The following ANGPT4 variants were observed in gnomAD, a reference collection of about 807,000 sequenced individuals.
ANGPT4 encodes angiopoietin-4.
Under a neutral mutation model 53.0 loss-of-function variants are expected in ANGPT4, and 50 were observed. That is an observed-to-expected ratio of 0.94 (90% CI 0.75 to 1.20). The LOEUF (loss-of-function observed/expected upper bound fraction) is 1.20, where lower values mean the gene tolerates loss of function less well. Among genes scored for constraint, ANGPT4 ranks in the 50% most tolerant of loss-of-function variants. The probability of loss-of-function intolerance (pLI) is 0.00; values close to 1 mark genes in which losing one functional copy is unlikely to be tolerated. For synonymous variants in ANGPT4, 251 were observed against 259.7 expected, an observed-to-expected ratio of 0.97 and a Z score of 0.32; for missense variants, 648 against 637.1, an observed-to-expected ratio of 1.02 and a Z score of -0.18.
chr20:877,551 G>C (rs1376819491), intron 7 of ANGPT4, among the ~76,000 whole-genome samples: 2 of 152,162 alleles, frequency 1.3e-5, no homozygotes, highest in African/African-American at 4.8e-5. Flanking sequence ...TTGTGGGGAA[G>C]ATTAAATGGA....
At chr20:910,137 T>C (rs1982643038) in intron 1 of ANGPT4, among the ~76,000 whole-genome samples, 1 of 152,214 alleles carries the variant, frequency 6.6e-6, no homozygotes, top group Non-Finnish European at 1.5e-5. Context: ...GATGGCTGAA[T>C]CTGACTTTGC....
intron 1 of ANGPT4, among the ~76,000 whole-genome samples, chr20:891,762 C>T (rs539821860): frequency 3.1e-4 from 47 of 152,370 alleles, no homozygotes; most frequent in African/African-American, 1.1e-3. Context: ...CCTTCCTCAC[C>T]CTGGAGTGTT....
intron 1 of ANGPT4, among the ~76,000 whole-genome samples, chr20:915,552 C>T (rs1466576716): frequency 6.6e-6 from 1 of 152,186 alleles, no homozygotes; most frequent in Non-Finnish European, 1.5e-5. Context: ...TTTTGCTTCA[C>T]CATCTGACAT....
In ANGPT4 at chr20:901,585, C is replaced by T. The variant is rs370496268; in HGVS notation, c.310-11217G>A. On this transcript the variant is annotated intron_variant, in intron 1 of 8. Transcript: ENST00000381922. ...AAGCCTGTTTGGTGGTCTCTTCACA[C>T]GGACGCACGTGACACTATGTAGCTG... 2.0e-4 allele frequency among the ~76,000 whole-genome samples: 31 copies of T among 152,292 alleles called. No homozygotes were observed. The South Asian group carries it at 2.7e-3, about 13-fold the overall frequency.
At chr20:894,491 G>A (rs987540556) in intron 1 of ANGPT4, among the ~76,000 whole-genome samples, 1 of 152,104 alleles carries the variant, frequency 6.6e-6, no homozygotes, top group African/African-American at 2.4e-5. Context: ...TGGTCCGGGG[G>A]TCCGTGGTAA....
chr20:893,175 A>T (rs1467206656), intron 1 of ANGPT4, among the ~76,000 whole-genome samples: 2 of 152,248 alleles, frequency 1.3e-5, no homozygotes, highest in African/African-American at 4.8e-5. Flanking sequence ...CTAATCTGCA[A>T]TTAAAATTTG....
intron 1 of ANGPT4, among the ~76,000 whole-genome samples, chr20:895,354 G>A (rs555920618): frequency 5.9e-5 from 9 of 152,144 alleles, no homozygotes; most frequent in Non-Finnish European, 1.0e-4. Context: ...TTTGGTCCCT[G>A]GTCTACTGCC....
Position 872,961 on chromosome 20 carries a change from T to G in ANGPT4, c.1511A>C (p.Ter504SerextTer62). ...SRMMIRPLDI[*>S] The stretch of plus-strand genomic sequence containing the variant: ...TCCAGCCTCTGGCACAGCTGCTCGT[T>G]AGATGTCCAAAGGCCGTATCATCAT... Residue 504 changes from the stop codon to serine, a stop_lost, in exon 9 of 9, where the codon TAA becomes TCA. Transcript: ENST00000381922. The G allele has an allele frequency of 6.2e-7, 1 of 1,613,874 alleles. No individual in the cohort carries two copies. Among genetic ancestry groups the G allele is most frequent in the Non-Finnish European group, 8.5e-7 (1 of 1,179,964 alleles).
In ANGPT4 at chr20:911,823, AGACAGAGAGAGGGAGAGAGG is replaced by A. The variant is rs1249775342; in HGVS notation, c.309+4063_309+4082del. Among the ~76,000 whole-genome samples, 168 of 151,834 alleles carry A rather than the reference AGACAGAGAGAGGGAGAGAGG, an allele frequency of 1.1e-3. 2 individuals carry two copies. Among genetic ancestry groups the A allele is most frequent in the Middle Eastern group, 6.8e-3 (2 of 294 alleles). ...GAGTCAGACCTTGTCTTTAGGAGAGAGACAGAGAGAGGGAGAGAGGGACAGAGAGAGGGAGAGAGAGACAG... is the reference window on the plus strand; with the variant it reads ...GAGTCAGACCTTGTCTTTAGGAGAGAGACAGAGAGAGGGAGAGAGAGACAG... On this transcript the variant is annotated intron_variant, in intron 1 of 8. Transcript: ENST00000381922. This position sits in a 1 kb window ranked among gnomAD's most constrained non-coding sequence, Gnocchi z 4.9.
rs554056543 is a variant in ANGPT4 at position 910,007 on chromosome 20, C to G, written c.309+5899G>C. On this transcript the variant is annotated intron_variant, in intron 1 of 8. Coordinates refer to ENST00000381922, the MANE Select transcript of ANGPT4 (RefSeq NM_015985.4). ...TAGCTATGGATCTCCCCTTTGGGGA[C>G]CAGGGTCCTCTATATTTTCCAGGTC... 2.9e-4 allele frequency among the ~76,000 whole-genome samples: 44 copies of G among 152,248 alleles called. 1 individual carries two copies. The highest frequency in any genetic ancestry group is 1.1e-3 in the African/African-American group (44 of 41,550).
At position 874,340 on chromosome 20, in the gene ANGPT4, G is replaced by T. The variant is rs769815616; in HGVS notation, c.1295C>A (p.Thr432Asn). ...ACAGTGGTCGTTGTCTGAGTCAAGG[G>T]TGCTAAAGCTGGTGTTCTGCAGGAC... is the stretch of plus-strand genomic sequence containing the variant. ...SLVLQNTSFS[T>N]LDSDNDHCLC... The change falls in exon 8 of 9, where the codon ACC becomes AAC. Residue 432 changes from threonine (T) to asparagine (N), a missense_variant. Transcript: ENST00000381922. 1.7e-5 allele frequency: 28 copies of T among 1,614,102 alleles called. No homozygotes were observed. Among genetic ancestry groups the T allele is most frequent in the Non-Finnish European group, 2.3e-5 (27 of 1,180,050 alleles).
intron 1 of ANGPT4, among the ~76,000 whole-genome samples, chr20:892,135 A>C (rs1981872122): frequency 6.6e-6 from 1 of 151,784 alleles, no homozygotes; most frequent in Admixed American, 6.6e-5. Context: ...CCATCTAAAA[A>C]CTAACTCCAC....
chr20:877,289 C>T (rs1981205953), intron 7 of ANGPT4, among the ~76,000 whole-genome samples: 1 of 152,170 alleles, frequency 6.6e-6, no homozygotes, highest in Non-Finnish European at 1.5e-5. Flanking sequence ...CCAGATGACA[C>T]GTGAGATTTT....
chr20:900,483 A>G (rs932054235), intron 1 of ANGPT4, among the ~76,000 whole-genome samples: 4 of 152,100 alleles, frequency 2.6e-5, no homozygotes, highest in East Asian at 1.9e-4. Context: ...TGGATCCTCT[A>G]CCTACATGTG....
intron 8 of ANGPT4, among the ~76,000 whole-genome samples, chr20:873,716 C>T (rs1287378315): frequency 6.6e-6 from 1 of 152,130 alleles, no homozygotes; most frequent in Non-Finnish European, 1.5e-5. Context: ...CTGTACTTCT[C>T]TGCCCCAGTA....
intron 1 of ANGPT4, among the ~76,000 whole-genome samples, chr20:898,931 C>G (rs1982163277): frequency 6.6e-6 from 1 of 152,198 alleles, no homozygotes; most frequent in South Asian, 2.1e-4. Context: ...TCCCACTCGC[C>G]CACCAACCAC....
intron 1 of ANGPT4, among the ~76,000 whole-genome samples, chr20:894,660 T>C (rs1224523983): frequency 2.6e-5 from 4 of 152,080 alleles, no homozygotes; most frequent in Non-Finnish European, 5.9e-5. Flanking sequence ...AAAGCAGACA[T>C]CCAGGTACTG....
chr20:904,695 T>C (rs1982411632), intron 1 of ANGPT4, among the ~76,000 whole-genome samples: 1 of 152,184 alleles, frequency 6.6e-6, no homozygotes. Context: ...GGTGTGATCA[T>C]GGCTCACTGC....
rs748158262 is a variant in ANGPT4, at chr20:878,246, G to A, written c.1135C>T (p.Arg379Cys). The A allele has an allele frequency of 3.7e-6, 6 of 1,613,226 alleles. No homozygotes were observed. Among genetic ancestry groups the A allele is most frequent in the African/African-American group, 1.3e-5 (1 of 74,938 alleles). The change falls in exon 7 of 9, where the codon CGT becomes TGT. Residue 379 changes from arginine to cysteine, a missense_variant. Coordinates refer to ENST00000381922, the MANE Select transcript of ANGPT4 (RefSeq NM_015985.4). ...CCTTCCCAGTCTTGCAGCTCCACAC[G>A]CAGAGAGTAGGCTGCCCTTCTGGTG... ...QLTRRAAYSLRVELQDWEGHE... is the reference protein window; with the variant it reads ...QLTRRAAYSLCVELQDWEGHE...
Sources: gnomAD v4.1 joint callset for allele counts (sites outside exome capture counted in the v4.1 genomes callset) on GRCh38, gnomAD v4.1.1 for gene constraint, Gnocchi (gnomAD v3.1) non-coding constraint, MANE v1.5 for transcripts, NCBI Gene and HGNC (gene_info 2026-07-23, HGNC 2026-07-21) for gene names.